SUMF1: variants seen among roughly 807,000 people sequenced by gnomAD.
SUMF1 encodes sulfatase modifying factor 1, also known as formylglycine-generating enzyme.
A neutral mutation model predicts 47.6 loss-of-function variants in SUMF1; 48 were observed. The ratio of observed to expected loss-of-function variants is 1.01; its 90% CI spans 0.80 to 1.28. The LOEUF is 1.28. Ranked by LOEUF, SUMF1 falls within the 50% of genes most tolerant of loss-of-function variation. The pLI, the probability that SUMF1 is intolerant of heterozygous loss-of-function variation, is 0.00. For missense variants in SUMF1, 571 were observed against 485.4 expected, an observed-to-expected ratio of 1.18 and a Z score of -1.66; for synonymous variants, 230 against 192.1, an observed-to-expected ratio of 1.20 and a Z score of -1.63.
At chr3:4,401,292 TA>T in intron 7 of SUMF1, among the ~76,000 whole-genome samples, 1 of 152,164 alleles carries the variant, frequency 6.6e-6, no homozygotes, top group Admixed American at 6.5e-5. Context: ...CATATGTCTT[TA>T]TAGTAGCATG....
In SUMF1 at chr3:4,164,523, T is replaced by C. The variant is rs28803229; in HGVS notation, c.1015-95778A>G. Among the ~76,000 whole-genome samples the C allele has an allele frequency of 2.8e-3, 428 of 152,254 alleles. 7 individuals are homozygous for C. The highest frequency in any genetic ancestry group is 9.9e-3 in the African/African-American group (413 of 41,530). ...GGGCGAGGGGGCAGCTTGTTTCTCT[T>C]TGGACAATGTTTTTTAAGGTGTCCT... On this transcript the variant is annotated intron_variant and NMD_transcript_variant, in intron 8 of 12. Coordinates refer to the SUMF1 transcript ENST00000448413.
chr3:4,350,938 A>T (rs529849964), intron 8 of SUMF1, among the ~76,000 whole-genome samples: 3 of 147,966 alleles, frequency 2.0e-5, no homozygotes, highest in Admixed American at 1.3e-4. Flanking sequence ...TTGTACAACA[A>T]AAAAAGAAAA....
chr3:4,148,966 G>A lies in SUMF1; in HGVS notation c.1015-80221C>T, dbSNP rs564230673. 4.3e-4 allele frequency among the ~76,000 whole-genome samples: 65 copies of A among 152,172 alleles called. 2 individuals are homozygous for A. The highest frequency in any genetic ancestry group is 8.2e-4 in the Non-Finnish European group (56 of 68,014). On this transcript the variant is annotated intron_variant and NMD_transcript_variant, in intron 8 of 12. Coordinates refer to the SUMF1 transcript ENST00000448413. ...AAACTTAACAATTTAAAGAGCATAG[G>A]ACATTAACCTATCATCCCATTTAGT...
chr3:4,156,061 A>G, intron 8 of SUMF1, among the ~76,000 whole-genome samples: 1 of 151,568 alleles, frequency 6.6e-6, no homozygotes, highest in East Asian at 1.9e-4. Context: ...GTACAAAAGT[A>G]ACTTGGCTTA....
intron 9 of SUMF1, among the ~76,000 whole-genome samples, chr3:4,046,075 G>A (rs1264774068): frequency 6.6e-6 from 1 of 152,054 alleles, no homozygotes; most frequent in Non-Finnish European, 1.5e-5. Context: ...AAAAGATTGA[G>A]TCCAGAGTTA....
At chr3:4,136,794 A>G (rs1284450181) in intron 8 of SUMF1, among the ~76,000 whole-genome samples, 2 of 151,530 alleles carry the variant, frequency 1.3e-5, no homozygotes, top group African/African-American at 4.9e-5. Flanking sequence ...AAACAACCCC[A>G]TCAAAAAGTG....
intron 8 of SUMF1, among the ~76,000 whole-genome samples, chr3:4,340,716 C>G (rs1361426366): frequency 6.6e-6 from 1 of 152,134 alleles, no homozygotes; most frequent in Non-Finnish European, 1.5e-5. Flanking sequence ...GGAGATGGAT[C>G]AGTTGTCGGG....
At chr3:4,462,033 C>G (rs73807251) in intron 1 of SUMF1, among the ~76,000 whole-genome samples, 3 of 152,178 alleles carry the variant, frequency 2.0e-5, no homozygotes, top group African/African-American at 7.2e-5. Context: ...AATAACAGAA[C>G]CATATGTGGG....
chr3:4,297,877 C>T (rs1697885704), intron 8 of SUMF1, among the ~76,000 whole-genome samples: 1 of 152,106 alleles, frequency 6.6e-6, no homozygotes, highest in Non-Finnish European at 1.5e-5. Context: ...AATACAAAGC[C>T]ATGCAGAACT....
chr3:4,437,903 C>T (rs547222979), intron 3 of SUMF1, among the ~76,000 whole-genome samples: 24 of 151,870 alleles, frequency 1.6e-4, no homozygotes, highest in Admixed American at 9.2e-4. Context: ...CGTGCCACTG[C>T]GCTCCAGCCT....
At chr3:4,037,210 T>C (rs1012502369) in intron 9 of SUMF1, among the ~76,000 whole-genome samples, 1 of 152,194 alleles carries the variant, frequency 6.6e-6, no homozygotes, top group Admixed American at 6.5e-5. Flanking sequence ...TTATTTTCAA[T>C]GAAGAAAGTA....
chr3:4,311,789 T>C (rs1157617460), intron 8 of SUMF1, among the ~76,000 whole-genome samples: 5 of 152,226 alleles, frequency 3.3e-5, no homozygotes. Flanking sequence ...TTTATAAGTC[T>C]CATTAAATCC....
chr3:4,216,615 T>C (rs1363276436), intron 8 of SUMF1, among the ~76,000 whole-genome samples: 4 of 151,192 alleles, frequency 2.6e-5, no homozygotes, highest in Admixed American at 6.6e-5. Flanking sequence ...ACCTACAGAA[T>C]GGGAGAAAAA....
At chr3:4,445,583 G>A (rs1702753348) in intron 3 of SUMF1, among the ~76,000 whole-genome samples, 1 of 152,126 alleles carries the variant, frequency 6.6e-6, no homozygotes, top group Non-Finnish European at 1.5e-5. Flanking sequence ...GGCCTCAGGT[G>A]AACATCCTGC....
intron 1 of SUMF1, among the ~76,000 whole-genome samples, chr3:4,463,199 C>T (rs777670207): frequency 1.2e-4 from 19 of 152,126 alleles, no homozygotes; most frequent in Non-Finnish European, 2.5e-4. Flanking sequence ...ACAAAACTAG[C>T]ACTACATTAG....
At chr3:4,034,901 T>G (rs1694765625) in intron 9 of SUMF1, among the ~76,000 whole-genome samples, 1 of 151,700 alleles carries the variant, frequency 6.6e-6, no homozygotes, top group African/African-American at 2.4e-5. Flanking sequence ...GACAATGAGA[T>G]CAGCAGATTA....
At chr3:4,149,790 C>T (rs2125104048) in intron 8 of SUMF1, among the ~76,000 whole-genome samples, 1 of 152,174 alleles carries the variant, frequency 6.6e-6, no homozygotes, top group South Asian at 2.1e-4. Flanking sequence ...GACGTGTAGT[C>T]CTAGAGGTGC....
chr3:4,153,584 T>A (rs1694387803), intron 8 of SUMF1, among the ~76,000 whole-genome samples: 1 of 150,768 alleles, frequency 6.6e-6, no homozygotes, highest in South Asian at 2.1e-4. Flanking sequence ...GAACTCCTTA[T>A]AAATAAAAAA....
intron 7 of SUMF1, among the ~76,000 whole-genome samples, chr3:4,379,838 C>A (rs1179223351): frequency 4.0e-4 from 19 of 47,850 alleles, no homozygotes; most frequent in South Asian, 1.3e-3. Context: ...GAGCCTCCAT[C>A]TCAAAAAAAA....
Sources: allele counts gnomAD v4.1 joint callset (sites outside exome capture counted in the v4.1 genomes callset), GRCh38; gene constraint gnomAD v4.1.1; transcripts MANE v1.5; gene names NCBI Gene and HGNC (gene_info 2026-07-23, HGNC 2026-07-21).